Variants in PHF24 observed in about 807,000 individuals in gnomAD.
The protein encoded by PHF24 is Galpha inhibitory interacting protein.
Under a neutral mutation model 42.6 loss-of-function variants are expected in PHF24, and 25 were observed. The ratio of observed to expected loss-of-function variants is 0.59; its 90% CI spans 0.43 to 0.82. PHF24 has a LOEUF of 0.82. Among genes scored for constraint, PHF24 ranks in the 40% least tolerant of loss-of-function variants. The probability of loss-of-function intolerance (pLI) is 0.00; values close to 1 mark genes in which losing one functional copy is unlikely to be tolerated. For synonymous variants in PHF24, 185 were observed against 204.8 expected (o/e 0.90, Z 0.83); for missense variants, 470 against 538.1 (o/e 0.87, Z 1.25).
At chr9:34,875,950 A>ACACACT in the PHF24 span, among the ~76,000 whole-genome samples, 4 of 78,682 alleles carry the variant, frequency 5.1e-5, no homozygotes, top group East Asian at 1.3e-3. Flanking sequence ...ACACACACAC[A>ACACACT]CTCTCTCTCT....
the PHF24 span, chr9:34,728,762 A>C: frequency 9.7e-7 from 1 of 1,029,134 alleles, no homozygotes; most frequent in Non-Finnish European, 1.5e-6. Flanking sequence ...GTATATATCT[A>C]TCTGTATTTT....
At chr9:34,980,890 T>C (rs957588257) in exon 8 of PHF24, 1 of 152,240 alleles carries the variant, frequency 6.6e-6, no homozygotes, top group Admixed American at 6.5e-5. Context: ...ATTTTTCACC[T>C]AGCATTCCTC....
the PHF24 span, among the ~76,000 whole-genome samples, chr9:34,690,914 A>G: frequency 6.6e-6 from 1 of 152,154 alleles, no homozygotes; most frequent in Admixed American, 6.5e-5. Context: ...GCACAGGGAC[A>G]CCCACACTTA....
chr9:34,921,132 A>G, the PHF24 span, among the ~76,000 whole-genome samples: 2 of 151,534 alleles, frequency 1.3e-5, no homozygotes, highest in African/African-American at 4.8e-5. Context: ...GGTCTGTCAT[A>G]TATGCCTTTT....
the PHF24 span, among the ~76,000 whole-genome samples, chr9:34,711,884 G>A: frequency 6.6e-6 from 1 of 152,108 alleles, no homozygotes; most frequent in Admixed American, 6.6e-5. Context: ...GTTTCTTTGT[G>A]TGGCTGTGAG....
the PHF24 span, among the ~76,000 whole-genome samples, chr9:34,932,390 C>G: frequency 6.6e-6 from 1 of 152,180 alleles, no homozygotes; most frequent in Admixed American, 6.5e-5. Context: ...AATGGGCAGA[C>G]TCGCAGTAGC....
intron 3 of PHF24, among the ~76,000 whole-genome samples, chr9:34,973,082 G>A (rs1358527003): frequency 1.3e-5 from 2 of 152,108 alleles, no homozygotes; most frequent in South Asian, 2.1e-4. Context: ...CTAGATGCCG[G>A]TAGCATACAT....
At chr9:34,706,672 T>G in the PHF24 span, among the ~76,000 whole-genome samples, 1 of 152,214 alleles carries the variant, frequency 6.6e-6, no homozygotes, top group Non-Finnish European at 1.5e-5. Context: ...ATACCAGGCA[T>G]GCAGGTGTGG....
At chr9:34,914,650 C>T in the PHF24 span, among the ~76,000 whole-genome samples, 2 of 152,164 alleles carry the variant, frequency 1.3e-5, no homozygotes, top group South Asian at 4.1e-4. Context: ...ACTTTTGTTT[C>T]ATTGAAATCT....
the PHF24 span, among the ~76,000 whole-genome samples, chr9:34,775,905 T>C: frequency 6.6e-6 from 1 of 152,246 alleles, no homozygotes; most frequent in Non-Finnish European, 1.5e-5. Context: ...GGAAATATTA[T>C]TTGGCAATAA....
At chr9:34,910,671 A>C in the PHF24 span, among the ~76,000 whole-genome samples, 2 of 152,348 alleles carry the variant, frequency 1.3e-5, no homozygotes, top group South Asian at 2.1e-4. Context: ...GTGTATTTAC[A>C]TAGTAGTCTA....
the PHF24 span, among the ~76,000 whole-genome samples, chr9:34,899,962 A>G: frequency 6.6e-6 from 1 of 152,170 alleles, no homozygotes; most frequent in Non-Finnish European, 1.5e-5. Flanking sequence ...TTAAATAAGT[A>G]TCAAAAATAA....
At chr9:34,949,047 TA>T in the PHF24 span, among the ~76,000 whole-genome samples, 1 of 152,162 alleles carries the variant, frequency 6.6e-6, no homozygotes, top group Non-Finnish European at 1.5e-5. Context: ...CTAGTATTAC[TA>T]AAAGTCAAAT....
chr9:34,776,639 A>G, the PHF24 span, among the ~76,000 whole-genome samples: 1 of 152,174 alleles, frequency 6.6e-6, no homozygotes, highest in Non-Finnish European at 1.5e-5. Flanking sequence ...ATTCTCTTGT[A>G]TCTCACTGAG....
At chr9:34,936,276 C>G in the PHF24 span, among the ~76,000 whole-genome samples, 4,191 of 152,218 alleles carry the variant, frequency 0.028, 168 homozygotes, top group African/African-American at 0.092. Context: ...TCGCTGTGTT[C>G]GCCGGGCTGG....
At position 34,977,067 on chromosome 9, in the gene PHF24, G is replaced by A; in HGVS notation, c.850-16G>A. 6.4e-7 allele frequency: 1 copy of A among 1,573,840 alleles called. No individual in the cohort carries two copies. Among genetic ancestry groups the A allele is most frequent in the Non-Finnish European group, 8.6e-7 (1 of 1,159,026 alleles). On this transcript the variant is annotated splice_polypyrimidine_tract_variant and intron_variant, in intron 5 of 7. Transcript: ENST00000242315. Reference sequence around the variant, plus strand: ...AAGATATCTTCACCTCTAAGATCTTGTCTCTTCTTCCCCAGAACTCTCTGT... The same window carrying A: ...AAGATATCTTCACCTCTAAGATCTTATCTCTTCTTCCCCAGAACTCTCTGT...
At chr9:34,802,346 G>A in the PHF24 span, among the ~76,000 whole-genome samples, 571 of 152,184 alleles carry the variant, frequency 3.8e-3, 5 homozygotes, top group African/African-American at 0.013. Context: ...CACAGTGGTC[G>A]TTCCAGTAAT....
the PHF24 span, among the ~76,000 whole-genome samples, chr9:34,933,988 G>A: frequency 2.6e-5 from 4 of 151,782 alleles, no homozygotes; most frequent in African/African-American, 4.8e-5. Context: ...CAAGTGATCC[G>A]CCTGCCTCAG....
chr9:34,750,787 AAAGG>A, the PHF24 span, among the ~76,000 whole-genome samples: 1 of 152,102 alleles, frequency 6.6e-6, no homozygotes, highest in East Asian at 1.9e-4. Flanking sequence ...AGAAGGGAAA[AAAGG>A]AAGACAATAC....
Sources: allele counts gnomAD v4.1 joint callset (sites outside exome capture counted in the v4.1 genomes callset), GRCh38; gene constraint gnomAD v4.1.1; transcripts MANE v1.5; gene names NCBI Gene and HGNC (gene_info 2026-07-23, HGNC 2026-07-21).